Variants in SARS2 observed in about 807,000 individuals in gnomAD.
SARS2 encodes the protein serine--tRNA ligase, mitochondrial.
A neutral mutation model predicts 66.8 loss-of-function variants in SARS2; 52 were observed. The ratio of observed to expected loss-of-function variants is 0.78; its 90% confidence interval spans 0.62 to 0.98. SARS2 has a LOEUF of 0.98. Among genes scored for constraint, SARS2 ranks in the 50% least tolerant of loss-of-function variants. The probability of loss-of-function intolerance (pLI) is 0.00; values close to 1 mark genes in which losing one functional copy is unlikely to be tolerated. For synonymous variants in SARS2, 306 were observed against 281.4 expected, an observed-to-expected ratio of 1.09 and a Z score of -0.87; for missense variants, 673 against 706.3, an observed-to-expected ratio of 0.95 and a Z score of 0.53.
chr19:38,927,326 T>C (rs895911022), intron 1 of SARS2, among the ~76,000 whole-genome samples: 1 of 151,254 alleles, frequency 6.6e-6, no homozygotes, highest in African/African-American at 2.4e-5. Context: ...GTACATAATA[T>C]GGGAGGCTGA....
chr19:38,920,035 G>A (rs372309044), intron 6 of SARS2, 51 bp downstream of exon 6: 262 of 1,473,176 alleles, frequency 1.8e-4, no homozygotes, highest in Non-Finnish European at 2.1e-4. Flanking sequence ...GCCAGCTGTC[G>A]GGGTGCAGGC....
chr19:38,915,995 TGCGGGCGAGGGCACGCGGGCA>T, intron 14 of SARS2, 21 bp downstream of exon 14: 6 of 1,612,148 alleles, frequency 3.7e-6, no homozygotes, highest in Non-Finnish European at 5.1e-6. Context: ...CGGCAGAGGC[TGCGGGCGAGGGCACGCGGGCA>T]GGAGGCTGTG....
Position 38,918,796 on chromosome 19 carries a change from C to T in SARS2, c.777G>A (p.Thr259=), listed in dbSNP as rs563299553. The change falls in exon 8 of 16, where the codon ACG becomes ACA. Residue 259 remains threonine, a synonymous_variant. Transcript: ENST00000221431. Reference sequence around the variant, plus strand: ...CTGCTCCGCGGAGAAGGTCTGGCACCGTCATGGGGGTGAAGCCCTGTTCAG... The same window carrying T: ...CTGCTCCGCGGAGAAGGTCTGGCACTGTCATGGGGGTGAAGCCCTGTTCAG... ...KLLRRGFTPM[T]VPDLLRGAVF... 3.6e-4 allele frequency: 555 copies of T among 1,561,732 alleles called. 10 individuals are homozygous for T. The South Asian group carries it at 5.8e-3, about 16-fold the overall frequency.
Position 38,915,427 on chromosome 19 carries a change from T to C in SARS2, c.*179A>G, listed in dbSNP as rs1974390866. On this transcript the variant is annotated 3_prime_UTR_variant, in exon 16 of 16. Transcript: ENST00000221431. ...CCTCAATGATAACAGGGTCAGTGAC[T>C]GACTCTGAGGCAGCAAGGACAGAGG... 1.5e-6 allele frequency: 1 copy of C among 653,822 alleles called. No individual in the cohort carries two copies. Among genetic ancestry groups the C allele is most frequent in the East Asian group, 2.7e-5 (1 of 37,226 alleles). The allele number at this position is 653,822 out of a possible 1,614,324, so 40.5% of individuals were successfully genotyped here.
intron 1 of SARS2, among the ~76,000 whole-genome samples, chr19:38,926,993 G>C (rs993498912): frequency 1.3e-4 from 19 of 148,946 alleles, no homozygotes; most frequent in Middle Eastern, 7.1e-3. Context: ...CTGGAGTGTA[G>C]TGGCATGATC....
intron 1 of SARS2, among the ~76,000 whole-genome samples, chr19:38,926,693 C>T (rs924387789): frequency 8.5e-5 from 13 of 152,050 alleles, no homozygotes; most frequent in South Asian, 2.1e-4. Context: ...GGCTGAGGCA[C>T]GAGAATCGCT....
chr19:38,916,540 G>A (rs1019183250), intron 12 of SARS2, among the ~76,000 whole-genome samples: 4 of 152,076 alleles, frequency 2.6e-5, no homozygotes, highest in Non-Finnish European at 4.4e-5. Context: ...GGTGGTTATG[G>A]AGAAGGTGGT....
At position 38,922,758 on chromosome 19, in the gene SARS2, C is replaced by G. The variant is rs533378788; in HGVS notation, c.364-491G>C. On this transcript the variant is annotated intron_variant, in intron 2 of 15. Coordinates refer to ENST00000221431, the MANE Select transcript of SARS2 (RefSeq NM_017827.4). The stretch of plus-strand genomic sequence containing the variant: ...GTTTAAAAGCATTTGGCAGTTACCC[C>G]CTGTGGCTGTCTCCAGCCACCATGT... Among the ~76,000 whole-genome samples the G allele has an allele frequency of 3.2e-4, 49 of 152,246 alleles. No homozygotes were observed. In the South Asian group the frequency reaches 9.3e-3, roughly 29 times the overall value.
intron 2 of SARS2, 113 bp downstream of exon 2, chr19:38,926,092 A>T: frequency 1.1e-6 from 1 of 902,726 alleles, no homozygotes; most frequent in Non-Finnish European, 1.8e-6. Flanking sequence ...CTGGGATTAT[A>T]GGCGTGAGCC....
intron 5 of SARS2, among the ~76,000 whole-genome samples, chr19:38,920,950 C>CAT (rs57114902): frequency 1.5e-4 from 12 of 78,648 alleles, no homozygotes; most frequent in African/African-American, 4.5e-4. Flanking sequence ...CACACACACA[C>CAT]AGACACAGAC....
At position 38,915,360 on chromosome 19, in the gene SARS2, C is replaced by G; in HGVS notation, c.*246G>C. On this transcript the variant is annotated 3_prime_UTR_variant, in exon 16 of 16. Transcript: ENST00000221431. ...AGCCTCTTCCTCTGCTTCTCCTGTC[C>G]CTAGAACCGTAAAGCCCAGACGTCC... 1.7e-6 allele frequency: 1 copy of G among 581,840 alleles called. No individual in the cohort carries two copies. The highest frequency in any genetic ancestry group is 3.1e-6 in the Non-Finnish European group (1 of 326,004). The allele number at this position is 581,840 out of a possible 1,614,324, so 36.0% of individuals were successfully genotyped here.
chr19:38,916,379 G>A, intron 12 of SARS2, 65 bp from the exon 13 acceptor site: 1 of 1,407,372 alleles, frequency 7.1e-7, no homozygotes, highest in Non-Finnish European at 1.0e-6. Flanking sequence ...AGGAACAAAT[G>A]GAAACGATGG....
chr19:38,926,123 T>A, intron 2 of SARS2, 82 bp downstream of exon 2: 1 of 1,193,954 alleles, frequency 8.4e-7, no homozygotes, highest in Non-Finnish European at 1.2e-6. Flanking sequence ...CCTGTTCAAG[T>A]TCTTTAAATT....
chr19:38,921,353 G>T, intron 5 of SARS2, 39 bp downstream of exon 5: 1 of 1,605,562 alleles, frequency 6.2e-7, no homozygotes, highest in South Asian at 1.1e-5. Flanking sequence ...CCCCCACACC[G>T]CAGGGCTTGT....
At position 38,916,262 on chromosome 19, in the gene SARS2, C is replaced by T. The variant is rs1485198927; in HGVS notation, c.1213G>A (p.Asp405Asn). The T allele has an allele frequency of 6.2e-7, 1 of 1,614,044 alleles. No homozygotes were observed. Among genetic ancestry groups the T allele is most frequent in the Non-Finnish European group, 8.5e-7 (1 of 1,179,968 alleles). The change falls in exon 13 of 16, where the codon GAC (aspartate) becomes AAC (asparagine). Residue 405 changes from aspartate (D) to asparagine (N), a missense_variant. Coordinates refer to ENST00000221431, the MANE Select transcript of SARS2 (RefSeq NM_017827.4). The part of the protein sequence containing the change: ...ELGLPAYRKF[D>N]IEAWMPGRGR... ...CGGCCTGGCATCCAGGCCTCAATGT[C>T]AAACTTGCGGTAGGCGGGGAGGCCC...
Position 38,922,219 on chromosome 19 carries a change from C to T in SARS2, c.393+19G>A. The T allele has an allele frequency of 6.2e-7, 1 of 1,613,772 alleles. No individual in the cohort carries two copies. The highest frequency in any genetic ancestry group is 8.5e-7 in the Non-Finnish European group (1 of 1,179,718). ...TGCCCACCCCCAACCCTGGATAGGA[C>T]ATCAACTCTTCACAGTACCTGCTGC... On this transcript the variant is annotated intron_variant, in intron 3 of 15. Coordinates refer to ENST00000221431, the MANE Select transcript of SARS2 (RefSeq NM_017827.4).
Position 38,930,747 on chromosome 19 carries a change from G to T in SARS2, c.-11C>A. 6.2e-7 allele frequency: 1 copy of T among 1,612,228 alleles called. No individual in the cohort carries two copies. The highest frequency in any genetic ancestry group is 1.1e-5 in the South Asian group (1 of 91,020). ...CATGGACGCAGCCATCTTGGACCGG[G>T]AACAAGGCGGCACTTCGTCCCGCCC... On this transcript the variant is annotated 5_prime_UTR_variant, in exon 1 of 16. Transcript: ENST00000221431.
rs201555362 is a variant in SARS2 at position 38,916,002 on chromosome 19, G to A, written c.1347+35C>T. On this transcript the variant is annotated intron_variant, in intron 14 of 15. Coordinates refer to ENST00000221431, the MANE Select transcript of SARS2 (RefSeq NM_017827.4). ...GTCTAGGGCGGCAGAGGCTGCGGGCGAGGGCACGCGGGCAGGAGGCTGTGC... is the reference window on the plus strand; with the variant it reads ...GTCTAGGGCGGCAGAGGCTGCGGGCAAGGGCACGCGGGCAGGAGGCTGTGC... 9.1e-5 allele frequency: 147 copies of A among 1,612,148 alleles called. No homozygotes were observed. The African/African-American group carries it at 1.8e-3, about 19-fold the overall frequency.
At position 38,930,662 on chromosome 19, in the gene SARS2, G is replaced by A. The variant is rs1204093183; in HGVS notation, c.75C>T (p.Ile25=). Reference sequence around the variant, plus strand: ...AACTTCTCCTTGGACTATCGTTGGAGATGCAGCCTCCCCGGGGCCGGAACC... The same window carrying A: ...AACTTCTCCTTGGACTATCGTTGGAAATGCAGCCTCCCCGGGGCCGGAACC... The part of the protein sequence containing the change: ...RRGFRPRGGC[I]SNDSPRRSFT... Residue 25 remains isoleucine (I), a synonymous_variant, in exon 1 of 16, where the codon ATC becomes ATT. Transcript: ENST00000221431. The A allele has an allele frequency of 1.9e-6, 3 of 1,614,006 alleles. No homozygotes were observed. Among genetic ancestry groups the A allele is most frequent in the Admixed American group, 3.3e-5 (2 of 60,012 alleles).
Sources: allele counts gnomAD v4.1 joint callset (sites outside exome capture counted in the v4.1 genomes callset), GRCh38; gene constraint gnomAD v4.1.1; transcripts MANE v1.5; gene names NCBI Gene and HGNC (gene_info 2026-07-23, HGNC 2026-07-21).